Variants in PCDHGA4 observed in about 807,000 individuals in gnomAD.
PCDHGA4 encodes the protein protocadherin gamma-A4.
PCDHGA4 carries 38 observed loss-of-function variants against 54.6 expected under a neutral mutation model. The observed-to-expected ratio is 0.70, with a 90% CI of 0.54 to 0.91. The LOEUF is 0.91. Among genes scored for constraint, PCDHGA4 ranks in the 40% least tolerant of loss-of-function variants. The pLI is 0.00. For missense variants in PCDHGA4, 1,298 were observed against 1,220.9 expected (o/e 1.06, Z -0.94); for synonymous variants, 511 against 512.9 (o/e 1.00, Z 0.05).
chr5:141,445,025 C>T (rs2154560886), intron 1 of PCDHGA4, among the ~76,000 whole-genome samples: 2 of 152,200 alleles, frequency 1.3e-5, no homozygotes, highest in Middle Eastern at 6.8e-3. Flanking sequence ...TTTCTCTCAG[C>T]TATGTTGTAT....
At chr5:141,418,794 TAGAA>T in intron 1 of PCDHGA4, 1 of 1,613,706 alleles carries the variant, frequency 6.2e-7, no homozygotes, top group South Asian at 1.1e-5. Flanking sequence ...TTTGAAGAAG[TAGAA>T]AGATATACGA....
At chr5:141,374,887 C>T (rs1248527882) in intron 1 of PCDHGA4, 1 of 1,613,670 alleles carries the variant, frequency 6.2e-7, no homozygotes. Flanking sequence ...CTGCCACCGA[C>T]CAGGATGAAG....
At chr5:141,471,743 C>T (rs769600930) in intron 1 of PCDHGA4, among the ~76,000 whole-genome samples, 2 of 152,142 alleles carry the variant, frequency 1.3e-5, no homozygotes, top group Non-Finnish European at 2.9e-5. Flanking sequence ...GGAGACATAA[C>T]ATATTTGAGG....
At chr5:141,450,293 G>A (rs879439714) in intron 1 of PCDHGA4, among the ~76,000 whole-genome samples, 6 of 151,746 alleles carry the variant, frequency 4.0e-5, no homozygotes, top group Non-Finnish European at 7.4e-5. Flanking sequence ...GATTACAGGC[G>A]TGAGCCACCA....
At position 141,480,425 on chromosome 5, in the gene PCDHGA4, AT is replaced by A. The variant is rs553131122; in HGVS notation, c.2515-14380del. On this transcript the variant is annotated intron_variant, in intron 1 of 3. Transcript: ENST00000571252. ...GTGAGACCCTGTCTCAAAAAAAAAA[AT>A]TATCAGCTATTACTATAATTATTTT... 2.3e-4 allele frequency among the ~76,000 whole-genome samples: 34 copies of A among 149,340 alleles called. 1 individual carries two copies. In the South Asian group the frequency reaches 6.0e-3, roughly 26 times the overall value.
At chr5:141,478,717 C>T (rs1381812771) in intron 1 of PCDHGA4, 1 of 1,545,032 alleles carries the variant, frequency 6.5e-7, no homozygotes, top group South Asian at 1.2e-5. Context: ...GAGATGGTGG[C>T]CTGCCAGAGT....
chr5:141,458,918 A>C (rs1173274380), intron 1 of PCDHGA4, among the ~76,000 whole-genome samples: 1 of 152,022 alleles, frequency 6.6e-6, no homozygotes, highest in Non-Finnish European at 1.5e-5. Context: ...TTTTTTGTGG[A>C]GACGGGGTCT....
intron 1 of PCDHGA4, chr5:141,402,869 C>G (rs1051518401): frequency 6.7e-5 from 97 of 1,448,564 alleles, no homozygotes; most frequent in Admixed American, 6.1e-4. Flanking sequence ...GAAAAGATCA[C>G]CATACTTTGC....
chr5:141,479,324 C>G (rs2099492748), intron 1 of PCDHGA4: 1 of 152,556 alleles, frequency 6.6e-6, no homozygotes, highest in Admixed American at 6.5e-5. Context: ...TAGCCAGACT[C>G]AGTGGTGTGC....
rs183952562 is a variant in PCDHGA4 at position 141,423,399 on chromosome 5, C to A, written c.2514+65778C>A. On this transcript the variant is annotated intron_variant, in intron 1 of 3. Transcript: ENST00000571252. ...GGCTGTGGCGCTGGCATAAGTCACG[C>A]CTGCTGCAGGCTTCTGAAGGCGGGT... 3.5e-5 allele frequency: 56 copies of A among 1,614,150 alleles called. No homozygotes were observed. The East Asian group carries it at 1.1e-3, about 33-fold the overall frequency.
chr5:141,500,104 T>G (rs917633032), intron 2 of PCDHGA4, among the ~76,000 whole-genome samples: 4 of 152,124 alleles, frequency 2.6e-5, no homozygotes, highest in Non-Finnish European at 4.4e-5. Flanking sequence ...AATTTATTTG[T>G]TGAATCCCTG....
intron 1 of PCDHGA4, among the ~76,000 whole-genome samples, chr5:141,447,162 G>A (rs1213550616): frequency 6.6e-6 from 1 of 151,700 alleles, no homozygotes; most frequent in African/African-American, 2.4e-5. Flanking sequence ...TTGTTTAAGC[G>A]GGGTCTTGCT....
chr5:141,455,738 A>G (rs896060095), intron 1 of PCDHGA4, among the ~76,000 whole-genome samples: 2 of 152,140 alleles, frequency 1.3e-5, no homozygotes, highest in Non-Finnish European at 2.9e-5. Flanking sequence ...TTGCATATCA[A>G]AGGTTGCTGG....
chr5:141,375,212 G>T (rs757227553), intron 1 of PCDHGA4: 1 of 1,613,944 alleles, frequency 6.2e-7, no homozygotes, highest in Admixed American at 1.7e-5. Flanking sequence ...TCGAGACTCT[G>T]GCCTGAATGG....
intron 1 of PCDHGA4, among the ~76,000 whole-genome samples, chr5:141,438,349 C>G (rs892834423): frequency 6.6e-6 from 1 of 151,762 alleles, no homozygotes; most frequent in Non-Finnish European, 1.5e-5. Flanking sequence ...AGGATCTACT[C>G]TGTGTATTGT....
At chr5:141,396,104 A>T (rs1423560620) in intron 1 of PCDHGA4, 1 of 152,258 alleles carries the variant, frequency 6.6e-6, no homozygotes, top group African/African-American at 2.4e-5. Flanking sequence ...TGTTGATATT[A>T]AGAACCAATG....
In PCDHGA4 at chr5:141,490,000, A is replaced by G. The variant is rs762999106; in HGVS notation, c.2515-4807A>G. The G allele has an allele frequency of 6.2e-7, 1 of 1,614,198 alleles. No individual in the cohort carries two copies. Among genetic ancestry groups the G allele is most frequent in the Admixed American group, 1.7e-5 (1 of 60,032 alleles). ...AGTTCTACGTGTGGGAATCCCAGAG[A>G]ATGCACCCATTGGTACTCTGCTGCT... On this transcript the variant is annotated intron_variant, in intron 1 of 3. Coordinates refer to ENST00000571252, the MANE Select transcript of PCDHGA4 (RefSeq NM_018917.4). The surrounding 1 kb of genome is among the most constrained non-coding windows in gnomAD (Gnocchi z 4.5).
intron 1 of PCDHGA4, chr5:141,378,802 CA>C (rs1201523670): frequency 1.3e-5 from 2 of 152,134 alleles, no homozygotes; most frequent in African/African-American, 2.4e-5. Context: ...CTGAAATGTG[CA>C]AACAGAATCA....
chr5:141,477,573 C>T lies in PCDHGA4; in HGVS notation c.2515-17234C>T, dbSNP rs1593790046. The T allele has an allele frequency of 6.2e-7, 1 of 1,614,056 alleles. No individual in the cohort carries two copies. Among genetic ancestry groups the T allele is most frequent in the South Asian group, 1.1e-5 (1 of 91,086 alleles). ...AACCTAAGTGTCTGGGACCCCGACGCCCCGCAGAATGCTCGGCTTTCTTTC... is the reference window on the plus strand; with the variant it reads ...AACCTAAGTGTCTGGGACCCCGACGTCCCGCAGAATGCTCGGCTTTCTTTC... On this transcript the variant is annotated intron_variant, in intron 1 of 3. Coordinates refer to ENST00000571252, the MANE Select transcript of PCDHGA4 (RefSeq NM_018917.4). This position sits in a 1 kb window ranked among gnomAD's most constrained non-coding sequence, Gnocchi z 4.9.
Sources: gnomAD v4.1 joint callset for allele counts (sites outside exome capture counted in the v4.1 genomes callset) on GRCh38, gnomAD v4.1.1 for gene constraint, Gnocchi (gnomAD v3.1) non-coding constraint, MANE v1.5 for transcripts, NCBI Gene and HGNC (gene_info 2026-07-23, HGNC 2026-07-21) for gene names.